Variants in TMTC2 observed in about 807,000 individuals in gnomAD.
The protein encoded by TMTC2 is protein O-mannosyl-transferase TMTC2.
A neutral mutation model predicts 82.4 loss-of-function variants in TMTC2; 43 were observed. The ratio of observed to expected loss-of-function variants is 0.52; its 90% confidence interval spans 0.41 to 0.67. The LOEUF (loss-of-function observed/expected upper bound fraction) is 0.67, where lower values mean the gene tolerates loss of function less well. TMTC2 is among the 30% of genes least tolerant of loss of function. TMTC2 has a pLI of 0.00. For missense variants in TMTC2, 919 were observed against 1,012.4 expected (o/e 0.91, Z 1.25); for synonymous variants, 408 against 381.9 (o/e 1.07, Z -0.80).
chr12:83,121,322 A>G (rs1469079223), intron 11 of TMTC2, among the ~76,000 whole-genome samples: 3 of 152,084 alleles, frequency 2.0e-5, no homozygotes, highest in Non-Finnish European at 4.4e-5. Flanking sequence ...GCTGTTGTTC[A>G]GATTATTTTG....
intron 1 of TMTC2, among the ~76,000 whole-genome samples, chr12:82,764,147 CT>C (rs1358891449): frequency 4.0e-5 from 6 of 151,778 alleles, no homozygotes; most frequent in Admixed American, 1.3e-4. Flanking sequence ...CACATACACA[CT>C]TTTTTTTGAG....
Position 83,051,053 on chromosome 12 carries a change from G to A in TMTC2, c.2267+35G>A, listed in dbSNP as rs140367143. The A allele has an allele frequency of 9.9e-4, 1,461 of 1,469,088 alleles. 7 individuals carry two copies. In the African/African-American group the frequency reaches 0.017, roughly 17 times the overall value. 91.0% of individuals were successfully genotyped at this position (1,469,088 alleles called of 1,614,324 possible). On this transcript the variant is annotated intron_variant, in intron 10 of 11. Coordinates refer to ENST00000321196, the MANE Select transcript of TMTC2 (RefSeq NM_152588.3). ...TTTGCTGCTGTGCCTCAAAGCCTAG[G>A]CTTTGAGAGGGTAATTAATTATACG...
intron 3 of TMTC2, among the ~76,000 whole-genome samples, chr12:82,909,904 A>G (rs190752328): frequency 1.5e-3 from 225 of 152,332 alleles, no homozygotes; most frequent in African/African-American, 5.1e-3. Flanking sequence ...GAAATATTTA[A>G]TTCTCTTTCA....
At chr12:82,845,516 T>C (rs1870610079) in intron 1 of TMTC2, among the ~76,000 whole-genome samples, 1 of 151,964 alleles carries the variant, frequency 6.6e-6, no homozygotes, top group South Asian at 2.1e-4. Context: ...CCCTTCTAGT[T>C]GTTTCTAATT....
rs1871132552 is a variant in TMTC2 at position 82,854,183 on chromosome 12, T to A, written c.84-2827T>A. ...AATCAATCTACTGTTCTGTAATAGG[T>A]CTTCTTTTAATAAAGGATTTTGCTC... On this transcript the variant is annotated intron_variant, in intron 1 of 11. Transcript: ENST00000321196. Among the ~76,000 whole-genome samples the A allele has an allele frequency of 3.9e-5, 6 of 152,176 alleles. 1 individual carries two copies.
At chr12:82,854,536 A>G (rs375762398) in intron 1 of TMTC2, among the ~76,000 whole-genome samples, 21 of 152,200 alleles carry the variant, frequency 1.4e-4, no homozygotes, top group African/African-American at 5.1e-4. Context: ...TTCTGGAAGT[A>G]GTAGACAAAA....
chr12:82,722,712 G>T (rs1178525461), intron 1 of TMTC2, among the ~76,000 whole-genome samples: 1 of 151,926 alleles, frequency 6.6e-6, no homozygotes, highest in Non-Finnish European at 1.5e-5. Flanking sequence ...ACTGCATTTC[G>T]GCCTGGGCAA....
At chr12:82,852,140 C>G (rs1387580336) in intron 1 of TMTC2, among the ~76,000 whole-genome samples, 2 of 147,846 alleles carry the variant, frequency 1.4e-5, no homozygotes, top group African/African-American at 2.5e-5. Flanking sequence ...CTCGCTCTGT[C>G]GCCCAGGCTG....
intron 6 of TMTC2, among the ~76,000 whole-genome samples, chr12:82,966,485 T>C (rs928833561): frequency 1.3e-5 from 2 of 152,192 alleles, no homozygotes; most frequent in South Asian, 4.1e-4. Context: ...TTGCATTTAG[T>C]AATTTCTGTG....
chr12:82,744,540 A>G (rs1051393178), intron 1 of TMTC2, among the ~76,000 whole-genome samples: 1 of 138,614 alleles, frequency 7.2e-6, no homozygotes, highest in African/African-American at 2.7e-5. Flanking sequence ...GGCTGTGATT[A>G]TACCACTGCA....
intron 3 of TMTC2, among the ~76,000 whole-genome samples, chr12:82,922,595 A>T (rs554664812): frequency 6.8e-6 from 1 of 148,146 alleles, no homozygotes; most frequent in African/African-American, 2.5e-5. Flanking sequence ...ATCCCCTTTT[A>T]TCTGTATTCT....
In TMTC2 at chr12:82,842,231, A is replaced by T. The variant is rs116822222; in HGVS notation, c.84-14779A>T. On this transcript the variant is annotated intron_variant, in intron 1 of 11. Coordinates refer to ENST00000321196, the MANE Select transcript of TMTC2 (RefSeq NM_152588.3). ...TTGTAGCATTATTGAAGATAAATTG[A>T]GATAATATGTGTGCTTTGTAAACTT... Among the ~76,000 whole-genome samples, 666 of 152,304 alleles carry T rather than the reference A, an allele frequency of 4.4e-3. 4 individuals are homozygous for T. Among genetic ancestry groups the T allele is most frequent in the African/African-American group, 0.015 (644 of 41,564 alleles).
rs138870132 is a variant in TMTC2 at position 82,928,567 on chromosome 12, G to A, written c.1484-1864G>A. On this transcript the variant is annotated intron_variant, in intron 3 of 11. Transcript: ENST00000321196. Reference sequence around the variant, plus strand: ...ATGGACTCATAATGCCAAGGCCTATGTGAATGTTGGTTTGCAGTGAAAGAT... The same window carrying A: ...ATGGACTCATAATGCCAAGGCCTATATGAATGTTGGTTTGCAGTGAAAGAT... 2.8e-3 allele frequency among the ~76,000 whole-genome samples: 425 copies of A among 152,290 alleles called. 4 individuals are homozygous for A. Among genetic ancestry groups the A allele is most frequent in the African/African-American group, 9.6e-3 (399 of 41,548 alleles).
chr12:83,023,009 T>G (rs1024745347), intron 8 of TMTC2, among the ~76,000 whole-genome samples: 1 of 152,226 alleles, frequency 6.6e-6, no homozygotes, highest in African/African-American at 2.4e-5. Flanking sequence ...GAATAGCAAC[T>G]TCTTTGTATT....
chr12:82,941,400 G>T (rs375268893), intron 4 of TMTC2, among the ~76,000 whole-genome samples: 6 of 152,114 alleles, frequency 3.9e-5, no homozygotes, highest in Non-Finnish European at 7.4e-5. Flanking sequence ...ACTAATGAAT[G>T]AATTAATAAG....
At chr12:82,841,147 A>G (rs547475919) in intron 1 of TMTC2, among the ~76,000 whole-genome samples, 1 of 152,194 alleles carries the variant, frequency 6.6e-6, no homozygotes, top group East Asian at 1.9e-4. Context: ...CTGAGATCTG[A>G]AAAAGCTGAT....
chr12:82,761,563 C>T (rs1876633765), intron 1 of TMTC2, among the ~76,000 whole-genome samples: 2 of 152,192 alleles, frequency 1.3e-5, no homozygotes, highest in East Asian at 3.9e-4. Flanking sequence ...ACACAAAACT[C>T]ACATTTCTCT....
chr12:83,074,005 A>T (rs983786869), intron 11 of TMTC2, among the ~76,000 whole-genome samples: 3 of 151,930 alleles, frequency 2.0e-5, no homozygotes, highest in Non-Finnish European at 4.4e-5. Context: ...CTTGGTTTGG[A>T]TCCATTGCTA....
At chr12:82,872,005 ACCCC>A (rs61305687) in intron 2 of TMTC2, among the ~76,000 whole-genome samples, 1 of 95,698 alleles carries the variant, frequency 1.0e-5, no homozygotes, top group African/African-American at 3.9e-5. Context: ...GTTGAACAAC[ACCCC>A]CCCCCCCGCC....
Sources: allele counts gnomAD v4.1 joint callset (sites outside exome capture counted in the v4.1 genomes callset), GRCh38; gene constraint gnomAD v4.1.1; transcripts MANE v1.5; gene names NCBI Gene and HGNC (gene_info 2026-07-23, HGNC 2026-07-21).